KATNAL2: variants seen among roughly 807,000 people sequenced by gnomAD.
KATNAL2 encodes the protein katanin p60 ATPase-containing subunit A-like 2.
Under a neutral mutation model 76.3 loss-of-function variants are expected in KATNAL2, and 52 were observed. The ratio of observed to expected loss-of-function variants is 0.68; its 90% CI spans 0.55 to 0.86. The LOEUF is 0.86. Among genes scored for constraint, KATNAL2 ranks in the 40% least tolerant of loss-of-function variants. The probability of loss-of-function intolerance (pLI) is 0.00; values close to 1 mark genes in which losing one functional copy is unlikely to be tolerated. For synonymous variants in KATNAL2, 243 were observed against 244.2 expected (o/e 1.00, Z 0.05); for missense variants, 660 against 668.9 (o/e 0.99, Z 0.15).
At position 47,064,502 on chromosome 18, in the gene KATNAL2, C is replaced by T. The variant is rs1018050476; in HGVS notation, c.726+1141C>T. Among the ~76,000 whole-genome samples, 16 of 152,124 alleles carry T rather than the reference C, an allele frequency of 1.1e-4. No homozygotes were observed. The East Asian group carries it at 2.3e-3, about 22-fold the overall frequency. On this transcript the variant is annotated intron_variant, in intron 10 of 17. Transcript: ENST00000683218. ...TAGAAGAGGGGACCTTAGAAAGGCGCCCGTCGGAGGATGGGATCATCCCAT... is the reference window on the plus strand; with the variant it reads ...TAGAAGAGGGGACCTTAGAAAGGCGTCCGTCGGAGGATGGGATCATCCCAT...
chr18:47,037,526 C>T (rs2060821679), intron 3 of KATNAL2, among the ~76,000 whole-genome samples: 1 of 152,100 alleles, frequency 6.6e-6, no homozygotes, highest in African/African-American at 2.4e-5. Context: ...CGGGGAATGG[C>T]TCATTCTTAG....
chr18:47,099,586 GAGA>G (rs1172140730), intron 16 of KATNAL2, among the ~76,000 whole-genome samples, 181 bp downstream of exon 16: 1 of 152,218 alleles, frequency 6.6e-6, no homozygotes, highest in East Asian at 1.9e-4. Flanking sequence ...AAAATATTCA[GAGA>G]AGGAGAAACA....
rs574265545 is a variant in KATNAL2 at position 47,071,953 on chromosome 18, C to CTTTTTTTTTTT, written c.1008+2381_1008+2391dup. 4.8e-4 allele frequency among the ~76,000 whole-genome samples: 21 copies of CTTTTTTTTTTT among 43,956 alleles called. 6 individuals are homozygous for CTTTTTTTTTTT. Among genetic ancestry groups the CTTTTTTTTTTT allele is most frequent in the African/African-American group, 2.2e-3 (18 of 8,348 alleles). The allele number at this position is 43,956 out of a possible 152,430, so 28.8% of individuals were successfully genotyped here. On this transcript the variant is annotated intron_variant, in intron 13 of 17. Transcript: ENST00000683218. ...GAAACAATTCCTCTCCCAATTTCTT[C>CTTTTTTTTTTT]TTTTTTTTTTTTTTTTTTTTTTTTT...
chr18:47,031,610 C>T (rs7244237), intron 3 of KATNAL2, among the ~76,000 whole-genome samples: 1,805 of 152,220 alleles, frequency 0.012, 40 homozygotes, highest in African/African-American at 0.042. Context: ...CCAGGAGAAT[C>T]GTAGTGTAAT....
intron 3 of KATNAL2, chr18:47,033,612 G>C (rs763196399): frequency 6.8e-6 from 11 of 1,614,088 alleles, no homozygotes; most frequent in Non-Finnish European, 7.6e-6. Flanking sequence ...GAACCCAGTA[G>C]GGGACCTCTC....
intron 15 of KATNAL2, among the ~76,000 whole-genome samples, chr18:47,079,779 C>T (rs2062420752): frequency 6.6e-6 from 1 of 152,072 alleles, no homozygotes; most frequent in Admixed American, 6.6e-5. Context: ...TGTTCTTACT[C>T]CTGTAATTAG....
intron 1 of KATNAL2, among the ~76,000 whole-genome samples, chr18:46,927,921 G>A (rs1297062770): frequency 6.6e-6 from 1 of 152,126 alleles, no homozygotes; most frequent in Non-Finnish European, 1.5e-5. Flanking sequence ...CTTGTGCCTT[G>A]GTTTTCAGCT....
chr18:46,958,878 T>C (rs1236524634), intron 3 of KATNAL2, among the ~76,000 whole-genome samples: 1 of 152,218 alleles, frequency 6.6e-6, no homozygotes, highest in Non-Finnish European at 1.5e-5. Context: ...AAAAGAATCC[T>C]AAAACAAAGT....
At chr18:47,065,635 G>T (rs993977146) in intron 10 of KATNAL2, among the ~76,000 whole-genome samples, 14 of 151,970 alleles carry the variant, frequency 9.2e-5, no homozygotes, top group Non-Finnish European at 1.6e-4. Context: ...GTGACAGAGT[G>T]AGACTCCATC....
chr18:47,057,260 T>C (rs2061498548), intron 6 of KATNAL2, among the ~76,000 whole-genome samples: 1 of 152,226 alleles, frequency 6.6e-6, no homozygotes, highest in African/African-American at 2.4e-5. Flanking sequence ...ATCTCACATA[T>C]GGGGACAAAA....
At chr18:46,966,239 A>C (rs369886283) in intron 3 of KATNAL2, among the ~76,000 whole-genome samples, 1 of 122,120 alleles carries the variant, frequency 8.2e-6, no homozygotes, top group Non-Finnish European at 1.8e-5. Flanking sequence ...TTTATCTTGT[A>C]AATAGGTGGG....
intron 15 of KATNAL2, among the ~76,000 whole-genome samples, chr18:47,086,478 G>A (rs1405292433): frequency 2.6e-5 from 4 of 152,120 alleles, no homozygotes; most frequent in Non-Finnish European, 1.5e-5. Flanking sequence ...ACCATGCCCA[G>A]CTAATTTTTT....
At chr18:47,044,596 T>C (rs1359472277) in intron 3 of KATNAL2, among the ~76,000 whole-genome samples, 3 of 151,262 alleles carry the variant, frequency 2.0e-5, no homozygotes, top group African/African-American at 7.3e-5. Flanking sequence ...CTGTTTCTAC[T>C]AATAAAGTAC....
intron 3 of KATNAL2, among the ~76,000 whole-genome samples, chr18:46,956,171 G>A (rs2059740934): frequency 6.6e-6 from 1 of 152,208 alleles, no homozygotes; most frequent in African/African-American, 2.4e-5. Context: ...GGCTGAGCAT[G>A]AGAGTGGGTA....
chr18:47,035,559 C>T (rs2060734848), intron 3 of KATNAL2: 4 of 609,896 alleles, frequency 6.6e-6, no homozygotes, highest in South Asian at 4.1e-5. Context: ...GCTCTGGTGC[C>T]AGAGCTGGGC....
intron 3 of KATNAL2, among the ~76,000 whole-genome samples, chr18:47,046,169 G>A (rs1334844809): frequency 2.6e-5 from 4 of 152,104 alleles, no homozygotes; most frequent in Non-Finnish European, 1.5e-5. Flanking sequence ...GTTTCTTCAC[G>A]ATTATAAGCA....
intron 3 of KATNAL2, among the ~76,000 whole-genome samples, chr18:47,043,054 C>T (rs1323396163): frequency 6.6e-6 from 1 of 151,822 alleles, no homozygotes; most frequent in Non-Finnish European, 1.5e-5. Flanking sequence ...GGTGAAACCC[C>T]GTCTCTACTA....
chr18:47,094,788 T>C (rs964803097), intron 15 of KATNAL2, among the ~76,000 whole-genome samples: 7 of 152,226 alleles, frequency 4.6e-5, no homozygotes, highest in Non-Finnish European at 1.0e-4. Flanking sequence ...ATTGCTTCAG[T>C]ACAGTACACT....
chr18:47,084,379 T>G (rs1385732133), intron 15 of KATNAL2: 1 of 702,820 alleles, frequency 1.4e-6, no homozygotes, highest in South Asian at 1.5e-5. Context: ...CCTCCCTGCC[T>G]GCAATCAAGG....
Sources: gnomAD v4.1 joint callset for allele counts (sites outside exome capture counted in the v4.1 genomes callset) on GRCh38, gnomAD v4.1.1 for gene constraint, MANE v1.5 for transcripts, NCBI Gene and HGNC (gene_info 2026-07-23, HGNC 2026-07-21) for gene names.